The following HAS3 variants were observed in gnomAD, a reference collection of about 807,000 sequenced individuals.
HAS3 encodes the protein HA synthase 3.
In HAS3, 27 loss-of-function variants were observed where a neutral mutation model predicts 50.3. The observed-to-expected ratio is 0.54, with a 90% confidence interval of 0.40 to 0.74. The LOEUF is 0.74. HAS3 is among the 30% of genes least tolerant of loss of function. The pLI, the probability that HAS3 is intolerant of heterozygous loss-of-function variation, is 0.00. For synonymous variants in HAS3, 339 were observed against 310.9 expected (o/e 1.09, Z -0.95); for missense variants, 517 against 742.8 (o/e 0.70, Z 3.53).
intron 2 of HAS3, among the ~76,000 whole-genome samples, chr16:69,112,161 G>A (rs1961025326): frequency 1.3e-5 from 2 of 152,258 alleles, no homozygotes; most frequent in South Asian, 4.1e-4. Context: ...TCCCTGGACT[G>A]AAGGAAGCAA....
the HAS3 span, among the ~76,000 whole-genome samples, chr16:69,087,380 GT>G: frequency 1.3e-5 from 2 of 152,200 alleles, no homozygotes; most frequent in African/African-American, 4.8e-5. Context: ...ATTCTGGAGA[GT>G]TTCCCCTCTC....
At chr16:69,100,244 G>A in the HAS3 span, among the ~76,000 whole-genome samples, 4 of 152,192 alleles carry the variant, frequency 2.6e-5, no homozygotes, top group African/African-American at 4.8e-5. Context: ...CTGCCTTGCT[G>A]TAGTCAAGGC....
the HAS3 span, chr16:69,084,470 A>G: frequency 6.6e-6 from 1 of 152,336 alleles, no homozygotes; most frequent in Non-Finnish European, 1.5e-5. Flanking sequence ...CTTCAGAAAG[A>G]TGAATGCCTA....
rs1024617365 is a variant in HAS3, at chr16:69,116,892, G to T, written c.*1626G>T. 1.0e-6 allele frequency: 1 copy of T among 985,304 alleles called. No individual in the cohort carries two copies. Among genetic ancestry groups the T allele is most frequent in the African/African-American group, 1.7e-5 (1 of 57,252 alleles). 61.0% of individuals were successfully genotyped at this position (985,304 alleles called of 1,614,324 possible). ...AGAACCAGCACTAAGGTGGACAGCA[G>T]ACAAGAGGGCAAGCCTCTAGTGTAC... On this transcript the variant is annotated 3_prime_UTR_variant, in exon 4 of 4. Transcript: ENST00000569188.
In HAS3 at chr16:69,114,589, T is replaced by C; in HGVS notation, c.985T>C (p.Tyr329His). 1 of 1,614,062 alleles carries C rather than the reference T, an allele frequency of 6.2e-7. No homozygotes were observed. Among genetic ancestry groups the C allele is most frequent in the Non-Finnish European group, 8.5e-7 (1 of 1,180,022 alleles). The change falls in exon 4 of 4, where the codon TAC becomes CAC. Residue 329 changes from tyrosine (Y) to histidine (H), a missense_variant. By Grantham distance (83) the Tyr-to-His change is moderately conservative. Coordinates refer to ENST00000569188, the MANE Select transcript of HAS3 (RefSeq NM_001199280.2). The surrounding 1 kb of genome is among the most constrained non-coding windows in gnomAD (Gnocchi z 6.4). ...HLTNRVLSLG[Y>H]RTKYTARSKC... ...CACCAACCGAGTCCTGAGCCTTGGC[T>C]ACCGAACTAAGTATACCGCGCGCTC...
At chr16:69,118,158 C>CAA, downstream of HAS3, 1 of 447,672 alleles carries the variant, frequency 2.2e-6, no homozygotes, top group Non-Finnish European at 4.1e-6. Flanking sequence ...TTCCCATCCA[C>CAA]ATCAGTTTAA....
At chr16:69,112,258 G>GT (rs1283144465) in intron 2 of HAS3, among the ~76,000 whole-genome samples, 1 of 152,224 alleles carries the variant, frequency 6.6e-6, no homozygotes, top group Non-Finnish European at 1.5e-5. Flanking sequence ...GTCTTGGCCT[G>GT]TAAGTGGAGG....
At chr16:69,102,784 C>G (rs915464792), upstream of HAS3, among the ~76,000 whole-genome samples, 1 of 152,206 alleles carries the variant, frequency 6.6e-6, no homozygotes, top group Admixed American at 6.5e-5. Flanking sequence ...CCTTGGGACA[C>G]AGTTGGAGTC....
chr16:69,112,090 C>G (rs1035701772), intron 2 of HAS3, among the ~76,000 whole-genome samples: 1 of 152,242 alleles, frequency 6.6e-6, no homozygotes, highest in African/African-American at 2.4e-5. Context: ...GTGGGGAAAC[C>G]CAGGCAGCAC....
At chr16:69,113,942 G>A (rs1224663615) in intron 3 of HAS3, among the ~76,000 whole-genome samples, 2 of 152,328 alleles carry the variant, frequency 1.3e-5, no homozygotes, top group East Asian at 3.9e-4. Context: ...CAATCTGCCA[G>A]AGATACTGAA....
the HAS3 span, among the ~76,000 whole-genome samples, chr16:69,095,492 G>A: frequency 6.6e-6 from 1 of 151,892 alleles, no homozygotes; most frequent in African/African-American, 2.4e-5. Flanking sequence ...AACCCTGGAT[G>A]CAGAATAGAA....
At chr16:69,085,906 G>T in the HAS3 span, among the ~76,000 whole-genome samples, 1 of 151,770 alleles carries the variant, frequency 6.6e-6, no homozygotes, top group Admixed American at 6.6e-5. Context: ...TTGCTCTGTT[G>T]CCCAAGCTGG....
In HAS3 at chr16:69,106,110, C is replaced by T. The variant is rs1960782286; in HGVS notation, c.-1+323C>T. The T allele has an allele frequency of 6.6e-6, 1 of 152,084 alleles. No homozygotes were observed. Among genetic ancestry groups the T allele is most frequent in the Admixed American group, 6.5e-5 (1 of 15,278 alleles). The allele number at this position is 152,084 out of a possible 1,614,324, so 9.4% of individuals were successfully genotyped here. ...GGACCGCGCGGGGTCGGGGGTGCGCCCGCGGGGGCCCTCCCACTCTGGTCA... is the reference window on the plus strand; with the variant it reads ...GGACCGCGCGGGGTCGGGGGTGCGCTCGCGGGGGCCCTCCCACTCTGGTCA... On this transcript the variant is annotated intron_variant, in intron 1 of 3. Transcript: ENST00000569188. This position sits in a 1 kb window ranked among gnomAD's most constrained non-coding sequence, Gnocchi z 5.5.
chr16:69,101,449 T>C (rs1349911746), upstream of HAS3, among the ~76,000 whole-genome samples: 1 of 151,682 alleles, frequency 6.6e-6, no homozygotes, highest in East Asian at 2.0e-4. Context: ...TACAGGCATG[T>C]GCCACCACGC....
Position 69,117,555 on chromosome 16 carries a change from A to G in HAS3, c.*2289A>G. The G allele has an allele frequency of 4.4e-6, 4 of 905,502 alleles. No individual in the cohort carries two copies. Among genetic ancestry groups the G allele is most frequent in the Non-Finnish European group, 5.3e-6 (4 of 759,360 alleles). 56.1% of individuals were successfully genotyped at this position (905,502 alleles called of 1,614,324 possible). ...TTGTATTGTTTCTACAATAATTTGT[A>G]AACATATTTATTTTTACCTGCTTTT... is the stretch of plus-strand genomic sequence containing the variant. On this transcript the variant is annotated 3_prime_UTR_variant, in exon 4 of 4. Coordinates refer to ENST00000569188, the MANE Select transcript of HAS3 (RefSeq NM_001199280.2).
At chr16:69,108,722 C>T (rs555056366) in intron 1 of HAS3, among the ~76,000 whole-genome samples, 1 of 152,354 alleles carries the variant, frequency 6.6e-6, no homozygotes, top group African/African-American at 2.4e-5. Context: ...CCTGCTTTCC[C>T]TTTCTTTCCT....
chr16:69,084,808 A>G, the HAS3 span: 1 of 152,468 alleles, frequency 6.6e-6, no homozygotes, highest in South Asian at 2.1e-4. Context: ...CAGGAACCAA[A>G]ACGCAGTTTC....
At position 69,117,613 on chromosome 16, in the gene HAS3, T is replaced by A; in HGVS notation, c.*2347T>A. 2 of 864,320 alleles carry A rather than the reference T, an allele frequency of 2.3e-6. No individual in the cohort carries two copies. The highest frequency in any genetic ancestry group is 2.8e-6 in the Non-Finnish European group (2 of 719,600). 53.5% of individuals were successfully genotyped at this position (864,320 alleles called of 1,614,324 possible). ...TTTTTAATTTTCAGGTCAAGTTTTT[T>A]ATACTGCACTTATTTGTCAAAATAA... On this transcript the variant is annotated 3_prime_UTR_variant, in exon 4 of 4. Coordinates refer to ENST00000569188, the MANE Select transcript of HAS3 (RefSeq NM_001199280.2).
chr16:69,100,405 A>C, the HAS3 span, among the ~76,000 whole-genome samples: 1 of 152,152 alleles, frequency 6.6e-6, no homozygotes, highest in Non-Finnish European at 1.5e-5. Context: ...AGAGGTTTTC[A>C]TGGTGGTCAG....
Sources: gnomAD v4.1 joint callset for allele counts (sites outside exome capture counted in the v4.1 genomes callset) on GRCh38, gnomAD v4.1.1 for gene constraint, Gnocchi (gnomAD v3.1) non-coding constraint, MANE v1.5 for transcripts, NCBI Gene and HGNC (gene_info 2026-07-23, HGNC 2026-07-21) for gene names.